FAM168B: variants seen among roughly 807,000 people sequenced by gnomAD.
FAM168B encodes family with sequence similarity 168 member B, also known as myelin-associated neurite-outgrowth inhibitor.
Under a neutral mutation model 21.8 loss-of-function variants are expected in FAM168B, and 19 were observed. The observed-to-expected ratio is 0.87, with a 90% CI of 0.61 to 1.28. FAM168B has a LOEUF of 1.28. Among genes scored for constraint, FAM168B ranks in the 50% most tolerant of loss-of-function variants. FAM168B has a pLI of 0.00. For synonymous variants in FAM168B, 126 were observed against 104.8 expected, an observed-to-expected ratio of 1.20 and a Z score of -1.24; for missense variants, 233 against 263.1, an observed-to-expected ratio of 0.89 and a Z score of 0.79.
intron 3 of FAM168B, among the ~76,000 whole-genome samples, chr2:131,061,970 C>T (rs1320988878): frequency 6.6e-6 from 1 of 151,762 alleles, no homozygotes; most frequent in African/African-American, 2.4e-5. Flanking sequence ...AGCCAATGTG[C>T]AACAAGAAGT....
intron 3 of FAM168B, among the ~76,000 whole-genome samples, chr2:131,061,143 G>A (rs1425524273): frequency 5.7e-5 from 8 of 140,380 alleles, no homozygotes; most frequent in African/African-American, 1.5e-4. Context: ...GAGCCACCGC[G>A]CCTGGCCCAA....
At chr2:131,061,897 T>C (rs768987847) in intron 3 of FAM168B, among the ~76,000 whole-genome samples, 5 of 152,148 alleles carry the variant, frequency 3.3e-5, no homozygotes, top group Admixed American at 6.5e-5. Context: ...GAAGATGGCC[T>C]GGCAGTTAGG....
chr2:131,066,139 T>C (rs182546885), intron 3 of FAM168B, among the ~76,000 whole-genome samples: 5 of 150,784 alleles, frequency 3.3e-5, no homozygotes, highest in Middle Eastern at 3.4e-3. Flanking sequence ...CATCACTCCA[T>C]CACTCTTTGC....
chr2:131,063,447 A>G (rs1302555898), intron 3 of FAM168B, among the ~76,000 whole-genome samples: 1 of 152,206 alleles, frequency 6.6e-6, no homozygotes, highest in Non-Finnish European at 1.5e-5. Context: ...AGACAAGTGC[A>G]TTTCAAGTAA....
Position 131,049,391 on chromosome 2 carries a change from G to C in FAM168B, c.*3074C>G. ...GGTTTCCCAGAATAGCGACAGGTAGGCCTACAAACCACACCAAGAAGAACG... is the reference window on the plus strand; with the variant it reads ...GGTTTCCCAGAATAGCGACAGGTAGCCCTACAAACCACACCAAGAAGAACG... On this transcript the variant is annotated 3_prime_UTR_variant, in exon 7 of 7. Coordinates refer to ENST00000389915, the MANE Select transcript of FAM168B (RefSeq NM_001009993.4). 1 of 985,422 alleles carries C rather than the reference G, an allele frequency of 1.0e-6. No individual in the cohort carries two copies. The highest frequency in any genetic ancestry group is 1.2e-6 in the Non-Finnish European group (1 of 829,958). 61.0% of individuals were successfully genotyped at this position (985,422 alleles called of 1,614,324 possible).
At chr2:131,087,019 T>C (rs1335944148) in intron 1 of FAM168B, among the ~76,000 whole-genome samples, 2 of 88,014 alleles carry the variant, frequency 2.3e-5, no homozygotes. Flanking sequence ...TGAGCCGAGA[T>C]TGCGCCACTG....
At chr2:131,088,040 G>A (rs1023984774) in intron 1 of FAM168B, among the ~76,000 whole-genome samples, 5 of 152,050 alleles carry the variant, frequency 3.3e-5, no homozygotes, top group African/African-American at 1.2e-4. Context: ...GAGACCACGC[G>A]TTCGAGACCA....
In FAM168B at chr2:131,052,370, G is replaced by GA; in HGVS notation, c.*94dup. 1.0e-6 allele frequency: 1 copy of GA among 986,552 alleles called. No individual in the cohort carries two copies. 61.1% of individuals were successfully genotyped at this position (986,552 alleles called of 1,614,324 possible). A position where few individuals can be genotyped will look rare whatever the true frequency, so the allele number is the denominator to read the frequency against. On this transcript the variant is annotated 3_prime_UTR_variant, in exon 7 of 7. Transcript: ENST00000389915. ...AGCTAAGTGTCGAGAGCATTAAGAA[G>GA]AAAGTCCTGGTTGGAGGCGCAAGGC...
intron 3 of FAM168B, among the ~76,000 whole-genome samples, chr2:131,068,214 A>T (rs1692677334): frequency 6.6e-6 from 1 of 152,140 alleles, no homozygotes; most frequent in East Asian, 1.9e-4. Context: ...GCTGCAGTGC[A>T]GTGGTGCGAT....
intron 1 of FAM168B, among the ~76,000 whole-genome samples, chr2:131,083,182 C>A (rs2105573263): frequency 6.6e-6 from 1 of 152,156 alleles, no homozygotes; most frequent in South Asian, 2.1e-4. Context: ...GGTCAAACTC[C>A]GTCTCTACTA....
chr2:131,088,605 G>C (rs115287579), intron 1 of FAM168B, among the ~76,000 whole-genome samples: 1 of 152,044 alleles, frequency 6.6e-6, no homozygotes, highest in African/African-American at 2.4e-5. Context: ...TTTAATCCTG[G>C]TAACAGTACT....
intron 3 of FAM168B, 41 bp from the exon 4 acceptor site, chr2:131,055,736 G>A (rs1344453042): frequency 6.2e-7 from 1 of 1,602,238 alleles, no homozygotes; most frequent in South Asian, 1.1e-5. Context: ...ACCCAAGCCG[G>A]TCCAGGCGCA....
intron 1 of FAM168B, among the ~76,000 whole-genome samples, chr2:131,087,206 T>C (rs369769971): frequency 2.0e-5 from 3 of 151,836 alleles, no homozygotes; most frequent in Admixed American, 6.6e-5. Context: ...CAGCGGCTCA[T>C]GCCTGTAATC....
chr2:131,081,042 T>A (rs1457216265), intron 2 of FAM168B, among the ~76,000 whole-genome samples: 1 of 152,208 alleles, frequency 6.6e-6, no homozygotes, highest in Admixed American at 6.5e-5. Context: ...TTTACTGTTC[T>A]GTTTTCCTCC....
chr2:131,079,098 A>G (rs1693307832), intron 2 of FAM168B, among the ~76,000 whole-genome samples: 1 of 152,128 alleles, frequency 6.6e-6, no homozygotes, highest in South Asian at 2.1e-4. Flanking sequence ...CACAGATGTG[A>G]TTAAGTGAAG....
chr2:131,089,265 C>T (rs1693884421), intron 1 of FAM168B, among the ~76,000 whole-genome samples: 2 of 151,646 alleles, frequency 1.3e-5, no homozygotes, highest in African/African-American at 2.4e-5. Flanking sequence ...TGCACCGGGC[C>T]GAGCTTACCA....
intron 3 of FAM168B, among the ~76,000 whole-genome samples, chr2:131,056,714 T>G (rs1394789747): frequency 6.6e-6 from 1 of 152,170 alleles, no homozygotes. Flanking sequence ...CACACTGTGG[T>G]GCATCCATAC....
At chr2:131,067,565 A>AC (rs1692628773) in intron 3 of FAM168B, among the ~76,000 whole-genome samples, 2 of 152,222 alleles carry the variant, frequency 1.3e-5, no homozygotes, top group Admixed American at 6.5e-5. Context: ...ATACAGTGAG[A>AC]CCCCATCTCT....
Position 131,051,650 on chromosome 2 carries a change from G to C in FAM168B, c.*815C>G, listed in dbSNP as rs1230141875. 7.3e-5 allele frequency: 72 copies of C among 985,176 alleles called. No homozygotes were observed. The highest frequency in any genetic ancestry group is 8.6e-5 in the Non-Finnish European group (71 of 829,914). 61.0% of individuals were successfully genotyped at this position (985,176 alleles called of 1,614,324 possible). A position where few individuals can be genotyped will look rare whatever the true frequency, so the allele number is the denominator to read the frequency against. ...ATATAAAAACATCATCTCTCTAAGAGAACTGTAATGAAAATTTAGATAGCA... is the reference window on the plus strand; with the variant it reads ...ATATAAAAACATCATCTCTCTAAGACAACTGTAATGAAAATTTAGATAGCA... On this transcript the variant is annotated 3_prime_UTR_variant, in exon 7 of 7. Transcript: ENST00000389915.
Sources: gnomAD v4.1 joint callset for allele counts (sites outside exome capture counted in the v4.1 genomes callset) on GRCh38, gnomAD v4.1.1 for gene constraint, MANE v1.5 for transcripts, NCBI Gene and HGNC (gene_info 2026-07-23, HGNC 2026-07-21) for gene names.